NOX4: variants seen among roughly 807,000 people sequenced by gnomAD.
NOX4 encodes kidney oxidase-1.
A neutral mutation model predicts 87.6 loss-of-function variants in NOX4; 69 were observed. That is an observed-to-expected ratio of 0.79 (90% CI 0.65 to 0.96). NOX4 has a LOEUF of 0.96. NOX4 is among the 40% of genes least tolerant of loss of function. NOX4 has a pLI of 0.00. For missense variants in NOX4, 680 were observed against 681.5 expected (o/e 1.00, Z 0.02); for synonymous variants, 275 against 238.2 (o/e 1.15, Z -1.42).
intron 17 of NOX4, among the ~76,000 whole-genome samples, chr11:89,330,783 G>A (rs1945437403): frequency 6.6e-6 from 1 of 151,944 alleles, no homozygotes; most frequent in Non-Finnish European, 1.5e-5. Flanking sequence ...TAGATTTAAA[G>A]CCAACTGTAT....
chr11:89,533,965 T>C, the NOX4 span: 1 of 152,236 alleles, frequency 6.6e-6, no homozygotes, highest in Non-Finnish European at 1.5e-5. Context: ...GCCTCTGTCT[T>C]GTCTAATACA....
chr11:89,484,752 T>G (rs1004115546), intron 2 of NOX4, among the ~76,000 whole-genome samples: 2 of 152,152 alleles, frequency 1.3e-5, no homozygotes, highest in African/African-American at 4.8e-5. Flanking sequence ...CAAAGAAATA[T>G]AACCCATTTC....
intron 2 of NOX4, among the ~76,000 whole-genome samples, chr11:89,459,616 C>A (rs983076084): frequency 6.6e-6 from 1 of 151,908 alleles, no homozygotes; most frequent in Admixed American, 6.6e-5. Flanking sequence ...TGTGAAGGAC[C>A]TCTTCAAGGA....
At chr11:89,491,862 T>G (rs565404785), upstream of NOX4, among the ~76,000 whole-genome samples, 1 of 152,166 alleles carries the variant, frequency 6.6e-6, no homozygotes, top group East Asian at 1.9e-4. Context: ...CAGCCTTTTG[T>G]GTGCTAGTTC....
intron 2 of NOX4, among the ~76,000 whole-genome samples, chr11:89,485,955 T>A (rs114183992): frequency 0.017 from 2,650 of 152,212 alleles, 76 homozygotes; most frequent in African/African-American, 0.061. Flanking sequence ...CATGACCACG[T>A]TGCCTCCACT....
intron 9 of NOX4, among the ~76,000 whole-genome samples, chr11:89,400,723 TAAC>T (rs1194320264): frequency 6.6e-6 from 1 of 151,800 alleles, no homozygotes; most frequent in African/African-American, 2.4e-5. Context: ...AAAGGGGAGT[TAAC>T]AATCTCCGAT....
intron 2 of NOX4, among the ~76,000 whole-genome samples, chr11:89,461,189 A>G (rs1446084598): frequency 1.3e-5 from 2 of 152,080 alleles, no homozygotes; most frequent in African/African-American, 2.4e-5. Context: ...GGATAGCATT[A>G]GGAGATATAC....
intron 11 of NOX4, among the ~76,000 whole-genome samples, chr11:89,393,147 C>A (rs931694915): frequency 1.3e-5 from 2 of 152,110 alleles, no homozygotes; most frequent in African/African-American, 4.8e-5. Flanking sequence ...TTTGGAGACA[C>A]TTTTGGAAGT....
At chr11:89,490,370 C>T (rs1946801335) in intron 2 of NOX4, 88 bp downstream of exon 2, 3 of 889,306 alleles carry the variant, frequency 3.4e-6, no homozygotes, top group South Asian at 1.4e-5. Flanking sequence ...GTGCACATTT[C>T]TTTAATGAAT....
At chr11:89,357,066 C>T (rs982259390) in intron 12 of NOX4, among the ~76,000 whole-genome samples, 1 of 152,078 alleles carries the variant, frequency 6.6e-6, no homozygotes. Context: ...ATGACAATTG[C>T]CATTTCCTAG....
At chr11:89,421,867 C>A (rs763690362) in intron 8 of NOX4, 35 bp downstream of exon 8, 8 of 1,338,162 alleles carry the variant, frequency 6.0e-6, no homozygotes, top group Non-Finnish European at 1.0e-6. Context: ...TTTTGGGGCA[C>A]AAATGGTTTT....
At chr11:89,422,081 A>G (rs1591186008) in intron 7 of NOX4, 99 bp from the exon 8 acceptor site, 3 of 631,656 alleles carry the variant, frequency 4.7e-6, no homozygotes, top group Admixed American at 7.5e-5. Context: ...TCACAATTTA[A>G]AAAAGCTAAA....
the NOX4 span, chr11:89,557,305 C>T: frequency 3.9e-5 from 6 of 152,084 alleles, no homozygotes; most frequent in African/African-American, 1.4e-4. Context: ...TGAACTTGAA[C>T]AATAATTACA....
the NOX4 span, among the ~76,000 whole-genome samples, chr11:89,512,968 G>A: frequency 1.2e-4 from 19 of 152,114 alleles, no homozygotes. Flanking sequence ...TGTTGAGGAA[G>A]TAAGCTATTT....
At chr11:89,468,172 G>C (rs1017066952) in intron 2 of NOX4, among the ~76,000 whole-genome samples, 1 of 152,070 alleles carries the variant, frequency 6.6e-6, no homozygotes, top group Admixed American at 6.6e-5. Context: ...CACATAACAG[G>C]CTGTTCCACT....
chr11:89,386,909 T>C (rs2135118832), intron 11 of NOX4, among the ~76,000 whole-genome samples: 1 of 152,238 alleles, frequency 6.6e-6, no homozygotes, highest in East Asian at 1.9e-4. Flanking sequence ...TTGTGTCTTC[T>C]GTTTAGTTTC....
intron 7 of NOX4, among the ~76,000 whole-genome samples, chr11:89,424,748 T>C (rs934955232): frequency 1.3e-5 from 2 of 152,102 alleles, no homozygotes; most frequent in Admixed American, 6.5e-5. Flanking sequence ...TTTTAACAGA[T>C]TGACCCATAT....
At chr11:89,499,091 G>C (rs539256424), upstream of NOX4, 1 of 153,316 alleles carries the variant, frequency 6.5e-6, no homozygotes, top group Non-Finnish European at 1.5e-5. Flanking sequence ...CCCTCCGGTA[G>C]AGGGTGCACT....
At chr11:89,414,431 T>TA (rs1942652136) in intron 8 of NOX4, among the ~76,000 whole-genome samples, 1 of 151,844 alleles carries the variant, frequency 6.6e-6, no homozygotes, top group Non-Finnish European at 1.5e-5. Flanking sequence ...GAATAATATA[T>TA]TTTCCCCATT....
Sources: allele counts gnomAD v4.1 joint callset (sites outside exome capture counted in the v4.1 genomes callset), GRCh38; gene constraint gnomAD v4.1.1; transcripts MANE v1.5; gene names NCBI Gene and HGNC (gene_info 2026-07-23, HGNC 2026-07-21).